ANO10: variants seen among roughly 807,000 people sequenced by gnomAD.
The protein encoded by ANO10 is anoctamin-10.
A neutral mutation model predicts 74.7 loss-of-function variants in ANO10; 77 were observed. That is an observed-to-expected ratio of 1.03 (90% confidence interval 0.86 to 1.25). The LOEUF is 1.25. ANO10 is among the 50% of genes most tolerant of loss of function. The probability of loss-of-function intolerance (pLI) is 0.00; values close to 1 mark genes in which losing one functional copy is unlikely to be tolerated. For synonymous variants in ANO10, 279 were observed against 284.9 expected (o/e 0.98, Z 0.21); for missense variants, 721 against 778.1 (o/e 0.93, Z 0.87).
chr3:43,690,725 T>A (rs1359664248), intron 1 of ANO10: 2 of 403,440 alleles, frequency 5.0e-6, no homozygotes, highest in African/African-American at 4.2e-5. Flanking sequence ...GTCTCGCCAG[T>A]CCCTCTGGGC....
At position 43,444,401 on chromosome 3, in the gene ANO10, G is replaced by A. The variant is rs142933490; in HGVS notation, c.1798-11674C>T. Among the ~76,000 whole-genome samples the A allele has an allele frequency of 1.0e-3, 159 of 152,320 alleles. 1 individual carries two copies. Among genetic ancestry groups the A allele is most frequent in the African/African-American group, 3.6e-3 (150 of 41,564 alleles). ...TCTGTAAGAGGGTTATGTGTGATTT[G>A]GAGCTTGCTTTGTTTTTTCAACAAT... On this transcript the variant is annotated intron_variant, in intron 11 of 12. Transcript: ENST00000292246.
At chr3:43,537,856 A>C (rs2078784534) in intron 11 of ANO10, among the ~76,000 whole-genome samples, 1 of 152,150 alleles carries the variant, frequency 6.6e-6, no homozygotes, top group Non-Finnish European at 1.5e-5. Flanking sequence ...AGCACCCTGG[A>C]GTCCACAAAC....
chr3:43,373,556 C>A (rs1275391011), intron 12 of ANO10, among the ~76,000 whole-genome samples: 1 of 152,182 alleles, frequency 6.6e-6, no homozygotes, highest in African/African-American at 2.4e-5. Context: ...GCTTTCTCTG[C>A]ACATCTGGGT....
At chr3:43,551,994 T>C (rs904165639) in intron 10 of ANO10, among the ~76,000 whole-genome samples, 2 of 152,246 alleles carry the variant, frequency 1.3e-5, no homozygotes, top group African/African-American at 4.8e-5. Flanking sequence ...CTGTTTTTCA[T>C]TTCTCTGCTT....
intron 1 of ANO10, chr3:43,691,294 T>G (rs1345330091): frequency 6.1e-6 from 2 of 329,484 alleles, no homozygotes; most frequent in African/African-American, 2.2e-5. Flanking sequence ...GAGGCCGCCT[T>G]GACCCCGCGC....
intron 11 of ANO10, among the ~76,000 whole-genome samples, chr3:43,438,610 G>A (rs2093111269): frequency 6.6e-6 from 1 of 152,114 alleles, no homozygotes; most frequent in Non-Finnish European, 1.5e-5. Context: ...AGCTGGGCGT[G>A]GTGGCAGCCA....
intron 12 of ANO10, among the ~76,000 whole-genome samples, chr3:43,387,628 G>T (rs572799732): frequency 6.6e-6 from 1 of 152,278 alleles, no homozygotes; most frequent in East Asian, 1.9e-4. Flanking sequence ...GGGGCTATGT[G>T]AGGCATCACT....
At chr3:43,561,929 T>C (rs2080054458) in intron 8 of ANO10, among the ~76,000 whole-genome samples, 1 of 152,210 alleles carries the variant, frequency 6.6e-6, no homozygotes, top group African/African-American at 2.4e-5. Flanking sequence ...ATCTAAATGA[T>C]GTTGCCAACT....
intron 1 of ANO10, among the ~76,000 whole-genome samples, chr3:43,614,253 T>A (rs1479063427): frequency 6.6e-6 from 1 of 152,192 alleles, no homozygotes. Flanking sequence ...AAAAGCAGGT[T>A]TCCATTCTAA....
chr3:43,578,867 TG>T (rs2081138659), intron 5 of ANO10, among the ~76,000 whole-genome samples: 1 of 151,606 alleles, frequency 6.6e-6, no homozygotes, highest in Non-Finnish European at 1.5e-5. Flanking sequence ...GTTAAACAGT[TG>T]TTAAGTGTAA....
intron 1 of ANO10, among the ~76,000 whole-genome samples, chr3:43,648,895 T>A (rs1453590050): frequency 2.0e-5 from 3 of 152,134 alleles, no homozygotes; most frequent in African/African-American, 7.2e-5. Context: ...GCCAGGATAG[T>A]CTCCATCTCC....
chr3:43,502,088 C>CA (rs1314862306), intron 11 of ANO10, among the ~76,000 whole-genome samples: 3 of 152,090 alleles, frequency 2.0e-5, no homozygotes, highest in Admixed American at 2.0e-4. Context: ...AACCACTATG[C>CA]AAAACAGTAT....
chr3:43,652,621 C>G (rs2083800415), intron 1 of ANO10, among the ~76,000 whole-genome samples: 1 of 152,014 alleles, frequency 6.6e-6, no homozygotes, highest in African/African-American at 2.4e-5. Flanking sequence ...CTGGATAGTA[C>G]ACCTTAAGTG....
intron 8 of ANO10, among the ~76,000 whole-genome samples, chr3:43,562,755 T>G (rs888380756): frequency 6.6e-6 from 1 of 151,644 alleles, no homozygotes; most frequent in Non-Finnish European, 1.5e-5. Context: ...ACCAGGTATC[T>G]ATATGCAGAA....
At chr3:43,666,043 C>T (rs2083987884) in intron 1 of ANO10, among the ~76,000 whole-genome samples, 1 of 152,266 alleles carries the variant, frequency 6.6e-6, no homozygotes, top group Non-Finnish European at 1.5e-5. Context: ...AAGTCATTTA[C>T]ATGTTAAGGA....
chr3:43,636,773 T>G (rs2083615061), intron 1 of ANO10, among the ~76,000 whole-genome samples: 1 of 152,244 alleles, frequency 6.6e-6, no homozygotes, highest in Admixed American at 6.5e-5. Flanking sequence ...ATCTAGCATT[T>G]AAATTTGTTG....
At chr3:43,547,679 T>C (rs898407460) in intron 11 of ANO10, among the ~76,000 whole-genome samples, 3 of 152,184 alleles carry the variant, frequency 2.0e-5, no homozygotes, top group Non-Finnish European at 4.4e-5. Flanking sequence ...GAGTGAGGAT[T>C]AGACTAGCAA....
At chr3:43,396,493 C>G (rs1360830211) in intron 12 of ANO10, among the ~76,000 whole-genome samples, 7 of 151,874 alleles carry the variant, frequency 4.6e-5, no homozygotes, top group Admixed American at 4.6e-4. Flanking sequence ...CGCCTGCCAC[C>G]ACACCCGGCT....
At chr3:43,427,615 A>G (rs1398212324) in intron 12 of ANO10, among the ~76,000 whole-genome samples, 1 of 152,238 alleles carries the variant, frequency 6.6e-6, no homozygotes, top group Admixed American at 6.5e-5. Context: ...TATGTTTTCA[A>G]TAACTCAATT....
Sources: allele counts gnomAD v4.1 joint callset (sites outside exome capture counted in the v4.1 genomes callset), GRCh38; gene constraint gnomAD v4.1.1; transcripts MANE v1.5; gene names NCBI Gene and HGNC (gene_info 2026-07-23, HGNC 2026-07-21).